The following SGMS2 variants were observed in gnomAD, a reference collection of about 807,000 sequenced individuals.
The protein encoded by SGMS2 is phosphatidylcholine:ceramide cholinephosphotransferase 2.
A neutral mutation model predicts 43.8 loss-of-function variants in SGMS2; 21 were observed. The ratio of observed to expected loss-of-function variants is 0.48; its 90% CI spans 0.34 to 0.69. The LOEUF is 0.69. Among genes scored for constraint, SGMS2 ranks in the 30% least tolerant of loss-of-function variants. SGMS2 has a pLI of 0.01. For missense variants in SGMS2, 384 were observed against 443.2 expected (o/e 0.87, Z 1.20); for synonymous variants, 167 against 160.6 (o/e 1.04, Z -0.30).
At chr4:107,854,262 G>A (rs1304335523) in intron 1 of SGMS2, among the ~76,000 whole-genome samples, 1 of 152,156 alleles carries the variant, frequency 6.6e-6, no homozygotes, top group East Asian at 1.9e-4. Context: ...GAAGGAAGAC[G>A]GGTCGTTTTC....
intron 1 of SGMS2, among the ~76,000 whole-genome samples, chr4:107,837,635 G>A (rs1726265587): frequency 6.6e-6 from 1 of 152,154 alleles, no homozygotes; most frequent in Admixed American, 6.6e-5. Context: ...GGAGAATGAG[G>A]TCTGATTTAC....
intron 1 of SGMS2, among the ~76,000 whole-genome samples, chr4:107,835,762 T>G (rs1383902191): frequency 6.6e-6 from 1 of 152,214 alleles, no homozygotes; most frequent in Non-Finnish European, 1.5e-5. Flanking sequence ...CAGCAATTGT[T>G]GATAAAAGAT....
At chr4:107,874,934 TA>T (rs1728797665) in intron 2 of SGMS2, among the ~76,000 whole-genome samples, 1 of 152,180 alleles carries the variant, frequency 6.6e-6, no homozygotes, top group Non-Finnish European at 1.5e-5. Context: ...ATTATTAGGT[TA>T]TTTGCAGAAG....
chr4:107,869,592 A>G (rs1401874645), intron 2 of SGMS2, among the ~76,000 whole-genome samples: 1 of 152,118 alleles, frequency 6.6e-6, no homozygotes, highest in Non-Finnish European at 1.5e-5. Context: ...TAATTGGATA[A>G]AGGTGACCTG....
At chr4:107,830,460 C>T (rs543949661) in intron 1 of SGMS2, among the ~76,000 whole-genome samples, 1 of 152,260 alleles carries the variant, frequency 6.6e-6, no homozygotes, top group African/African-American at 2.4e-5. Context: ...CTCTAAACTG[C>T]TTTCCACAGT....
rs1181486803 is a variant in SGMS2 at position 107,910,365 on chromosome 4, T to C, written c.910T>C (p.Ser304Pro). Residue 304 changes from serine (S) to proline (P), a missense_variant, in exon 7 of 7, where the codon TCA (serine) becomes CCA (proline). By Grantham distance (74) the Ser-to-Pro change is moderately conservative. Coordinates refer to ENST00000690982, the MANE Select transcript of SGMS2 (RefSeq NM_001375905.1). ...CCATTTACAGAACTTGAAGGTCTCT[T>C]CACAGACTAATTTCTTATCTCGAGC... ...MANEKNLKVS[S>P]QTNFLSRAWW... 1.1e-5 allele frequency: 17 copies of C among 1,613,928 alleles called. No individual in the cohort carries two copies. The highest frequency in any genetic ancestry group is 1.4e-5 in the Non-Finnish European group (16 of 1,179,944).
At chr4:107,856,434 T>A (rs1278349821) in intron 1 of SGMS2, among the ~76,000 whole-genome samples, 1 of 152,198 alleles carries the variant, frequency 6.6e-6, no homozygotes, top group Non-Finnish European at 1.5e-5. Context: ...AGTGCTAGGT[T>A]TGGCTACGTA....
At chr4:107,882,526 G>T (rs1729442183) in intron 2 of SGMS2, among the ~76,000 whole-genome samples, 1 of 152,010 alleles carries the variant, frequency 6.6e-6, no homozygotes, top group African/African-American at 2.4e-5. Context: ...TGGATAGTTT[G>T]TAAATATTTT....
intron 2 of SGMS2, among the ~76,000 whole-genome samples, chr4:107,886,364 ATTTTTTTTTTTTTTTT>A (rs67228519): frequency 9.4e-6 from 1 of 106,268 alleles, no homozygotes; most frequent in African/African-American, 3.8e-5. Context: ...CACCCAGCTA[ATTTTTTTTTTTTTTTT>A]TTTTTTTTTT....
At chr4:107,889,537 C>A (rs953139792) in intron 2 of SGMS2, among the ~76,000 whole-genome samples, 2 of 151,990 alleles carry the variant, frequency 1.3e-5, no homozygotes, top group African/African-American at 4.8e-5. Context: ...GTGCTTTTTT[C>A]TTTAAGCCAA....
rs1282390438 is a variant in SGMS2, at chr4:107,913,807, T to A, written c.*3254T>A. ...TTACTTTGAAACACCAAATTTGTTG[T>A]CTTGGTTTTTTTTACATGACAGAAC... On this transcript the variant is annotated 3_prime_UTR_variant, in exon 7 of 7. Coordinates refer to ENST00000690982, the MANE Select transcript of SGMS2 (RefSeq NM_001375905.1). The A allele has an allele frequency of 2.0e-5, 3 of 152,184 alleles. No individual in the cohort carries two copies. The highest frequency in any genetic ancestry group is 7.2e-5 in the African/African-American group (3 of 41,460). 9.4% of individuals were successfully genotyped at this position (152,184 alleles called of 1,614,324 possible). A position where few individuals can be genotyped will look rare whatever the true frequency, so the allele number is the denominator to read the frequency against.
intron 2 of SGMS2, among the ~76,000 whole-genome samples, chr4:107,863,199 C>G (rs968015351): frequency 1.3e-5 from 2 of 152,188 alleles, no homozygotes; most frequent in African/African-American, 4.8e-5. Flanking sequence ...CCCAGAAAAT[C>G]ACAACATAGC....
In SGMS2 at chr4:107,914,859, CTATAATGTTG is replaced by C. The variant is rs1732355586; in HGVS notation, c.*4308_*4317del. ...AGGAGTGTAACTATAGTTTATACTT[CTATAATGTTG>C]TCTTACATTTACATTTTTAAGTGCC... On this transcript the variant is annotated 3_prime_UTR_variant, in exon 7 of 7. Transcript: ENST00000690982. The C allele has an allele frequency of 6.6e-6, 1 of 152,094 alleles. No homozygotes were observed. The highest frequency in any genetic ancestry group is 1.5e-5 in the Non-Finnish European group (1 of 67,996). 9.4% of individuals were successfully genotyped at this position (152,094 alleles called of 1,614,324 possible).
intron 2 of SGMS2, among the ~76,000 whole-genome samples, chr4:107,869,935 A>T (rs1305103498): frequency 1.3e-5 from 2 of 152,190 alleles, no homozygotes; most frequent in African/African-American, 4.8e-5. Context: ...AAAGCAGGAA[A>T]TAGATTAGGA....
chr4:107,883,154 G>A (rs1346306558), intron 2 of SGMS2, among the ~76,000 whole-genome samples: 2 of 152,074 alleles, frequency 1.3e-5, no homozygotes, highest in African/African-American at 4.8e-5. Flanking sequence ...TGCAGCTGCC[G>A]TCAATGAGCT....
intron 2 of SGMS2, chr4:107,863,984 T>A (rs1467460750): frequency 6.6e-6 from 1 of 152,314 alleles, no homozygotes; most frequent in East Asian, 1.9e-4. Flanking sequence ...GGTTCTTGGC[T>A]AGTGGCCAGG....
chr4:107,851,311 T>C (rs1727128201), intron 1 of SGMS2, among the ~76,000 whole-genome samples: 1 of 152,170 alleles, frequency 6.6e-6, no homozygotes, highest in African/African-American at 2.4e-5. Flanking sequence ...AAACCGCTGA[T>C]AACTACAGAG....
chr4:107,857,484 C>G (rs1727487669), intron 1 of SGMS2, among the ~76,000 whole-genome samples: 1 of 151,194 alleles, frequency 6.6e-6, no homozygotes, highest in African/African-American at 2.4e-5. Flanking sequence ...AGTGTACATC[C>G]TGCAGTTGTT....
intron 5 of SGMS2, among the ~76,000 whole-genome samples, chr4:107,905,633 T>C (rs1481990222): frequency 6.6e-6 from 1 of 152,228 alleles, no homozygotes; most frequent in Non-Finnish European, 1.5e-5. Context: ...GCCATCATTT[T>C]GAGAAGCAGG....
Sources: allele counts gnomAD v4.1 joint callset (sites outside exome capture counted in the v4.1 genomes callset), GRCh38; gene constraint gnomAD v4.1.1; transcripts MANE v1.5; gene names NCBI Gene and HGNC (gene_info 2026-07-23, HGNC 2026-07-21).